Variants in BAG4 observed in about 807,000 individuals in gnomAD.
BAG4 encodes BAG family molecular chaperone regulator 4.
Under a neutral mutation model 52.1 loss-of-function variants are expected in BAG4, and 28 were observed. The ratio of observed to expected loss-of-function variants is 0.54; its 90% CI spans 0.40 to 0.74. The LOEUF is 0.74. Among genes scored for constraint, BAG4 ranks in the 30% least tolerant of loss-of-function variants. The probability of loss-of-function intolerance (pLI) is 0.00; values close to 1 mark genes in which losing one functional copy is unlikely to be tolerated. For missense variants in BAG4, 525 were observed against 572.0 expected, an observed-to-expected ratio of 0.92 and a Z score of 0.84; for synonymous variants, 208 against 217.0, an observed-to-expected ratio of 0.96 and a Z score of 0.37.
At chr8:38,178,378 C>T (rs1010701621) in intron 1 of BAG4, among the ~76,000 whole-genome samples, 2 of 152,220 alleles carry the variant, frequency 1.3e-5, no homozygotes, top group African/African-American at 4.8e-5. Context: ...TGGTCTTGAA[C>T]TCCTGACCTC....
Position 38,207,569 on chromosome 8 carries a change from G to A in BAG4, c.436G>A (p.Ala146Thr), listed in dbSNP as rs1385250108. The part of the protein sequence containing the change: ...YGPTYPPGPG[A>T]NTASYSGAYY... ...TCCAACATACCCCCCAGGCCCTGGG[G>A]CAAATACTGCCTCATACTCAGGGGC... The change falls in exon 3 of 5, where the codon GCA (alanine) becomes ACA (threonine). Residue 146 changes from alanine (A) to threonine (T), a missense_variant. By Grantham distance (58) the Ala-to-Thr change is moderately conservative. Coordinates refer to ENST00000287322, the MANE Select transcript of BAG4 (RefSeq NM_004874.4). 1.2e-6 allele frequency: 2 copies of A among 1,613,676 alleles called. No homozygotes were observed. Among genetic ancestry groups the A allele is most frequent in the Non-Finnish European group, 1.7e-6 (2 of 1,179,818 alleles).
In BAG4 at chr8:38,210,348, G is replaced by C; in HGVS notation, c.1229G>C (p.Trp410Ser). 6.2e-7 allele frequency: 1 copy of C among 1,614,162 alleles called. No homozygotes were observed. Among genetic ancestry groups the C allele is most frequent in the Non-Finnish European group, 8.5e-7 (1 of 1,180,042 alleles). ...GGAAAAAAGACAGACAAAGCATACT[G>C]GCTTCTGGAAGAAATGCTAACCAAG... ...FVGKKTDKAY[W>S]LLEEMLTKEL... Residue 410 changes from tryptophan (W) to serine (S), a missense_variant, in exon 5 of 5, where the codon TGG becomes TCG. Physicochemically the swap from Trp to Ser is radical, Grantham distance 177. Coordinates refer to ENST00000287322, the MANE Select transcript of BAG4 (RefSeq NM_004874.4).
At position 38,211,736 on chromosome 8, in the gene BAG4, T is replaced by C. The variant is rs1490031489; in HGVS notation, c.*1243T>C. On this transcript the variant is annotated 3_prime_UTR_variant, in exon 5 of 5. Coordinates refer to ENST00000287322, the MANE Select transcript of BAG4 (RefSeq NM_004874.4). ...AATTGTCTGTTTAATAAAAAGACAT[T>C]TATTACCATTATTAACAGTCATTTT... The C allele has an allele frequency of 3.9e-5, 6 of 152,246 alleles. No homozygotes were observed. The highest frequency in any genetic ancestry group is 3.4e-3 in the Middle Eastern group (1 of 294). 9.4% of individuals were successfully genotyped at this position (152,246 alleles called of 1,614,324 possible).
chr8:38,204,888 A>G (rs1803742406), intron 2 of BAG4, among the ~76,000 whole-genome samples: 1 of 152,178 alleles, frequency 6.6e-6, no homozygotes, highest in South Asian at 2.1e-4. Flanking sequence ...TTTCTTTAAA[A>G]TATAAGGAAG....
chr8:38,194,870 T>TTTTTTGTTTGTCC (rs1563282248), intron 2 of BAG4, among the ~76,000 whole-genome samples: 1 of 148,602 alleles, frequency 6.7e-6, no homozygotes, highest in Non-Finnish European at 1.5e-5. Context: ...TTTGTTTTTT[T>TTTTTTGTTTGTCC]TTTTGGCCGA....
intron 1 of BAG4, among the ~76,000 whole-genome samples, chr8:38,184,466 CAAATAAAATA>C (rs36228003): frequency 1.1e-3 from 165 of 146,702 alleles, no homozygotes; most frequent in East Asian, 3.4e-3. Context: ...GACCCTGTCT[CAAATAAAATA>C]AAATAAAATA....
rs1461890124 is a variant in BAG4, at chr8:38,210,882, T to C, written c.*389T>C. ...AACAGGATGTGTTTTTTTAAACATCTGGATATCTTGTCACATTTTTGTACA... is the reference window on the plus strand; with the variant it reads ...AACAGGATGTGTTTTTTTAAACATCCGGATATCTTGTCACATTTTTGTACA... On this transcript the variant is annotated 3_prime_UTR_variant, in exon 5 of 5. Coordinates refer to ENST00000287322, the MANE Select transcript of BAG4 (RefSeq NM_004874.4). 6.2e-6 allele frequency: 1 copy of C among 162,546 alleles called. No individual in the cohort carries two copies. Among genetic ancestry groups the C allele is most frequent in the African/African-American group, 2.4e-5 (1 of 41,594 alleles). The allele number at this position is 162,546 out of a possible 1,614,324, so 10.1% of individuals were successfully genotyped here. A position where few individuals can be genotyped will look rare whatever the true frequency, so the allele number is the denominator to read the frequency against.
chr8:38,210,405 G>A lies in BAG4; in HGVS notation c.1286G>A (p.Gly429Glu). The change falls in exon 5 of 5, where the codon GGG becomes GAG. Residue 429 changes from glycine (G) to glutamate (E), a missense_variant. Physicochemically the swap from Gly to Glu is moderately conservative, Grantham distance 98. This residue lies in a region of BAG4 where 238 missense variants were observed against 305.8 expected (regional missense o/e 0.78). Transcript: ENST00000287322. ...ELLELDSVET[G>E]GQDSVRQARK... ...TTGGAACTGGATTCAGTTGAAACTG[G>A]GGGCCAGGACTCTGTACGGCAGGCC... 8.1e-6 allele frequency: 13 copies of A among 1,614,146 alleles called. No individual in the cohort carries two copies. The highest frequency in any genetic ancestry group is 1.1e-5 in the Non-Finnish European group (13 of 1,180,024).
chr8:38,185,796 C>T (rs1803356399), intron 1 of BAG4, among the ~76,000 whole-genome samples: 1 of 152,182 alleles, frequency 6.6e-6, no homozygotes, highest in Non-Finnish European at 1.5e-5. Flanking sequence ...AACTCCTGAC[C>T]TCGTGATCCA....
intron 3 of BAG4, among the ~76,000 whole-genome samples, chr8:38,207,967 A>T (rs1368141550): frequency 6.8e-6 from 1 of 147,920 alleles, no homozygotes; most frequent in Admixed American, 6.8e-5. Context: ...AAATTTTTAT[A>T]CTGAAAGTAA....
Position 38,212,716 on chromosome 8 carries a change from G to T in BAG4, c.*2223G>T, listed in dbSNP as rs1803884574. ...TGTTAACCTTGATCACTATGCTAAGGTGGTGTCTGCTAGGATTCGCTACTG... is the reference window on the plus strand; with the variant it reads ...TGTTAACCTTGATCACTATGCTAAGTTGGTGTCTGCTAGGATTCGCTACTG... On this transcript the variant is annotated 3_prime_UTR_variant, in exon 5 of 5. Transcript: ENST00000287322. 6.6e-6 allele frequency: 1 copy of T among 152,162 alleles called. No homozygotes were observed. The highest frequency in any genetic ancestry group is 1.5e-5 in the Non-Finnish European group (1 of 68,030). The allele number at this position is 152,162 out of a possible 1,614,324, so 9.4% of individuals were successfully genotyped here. A position where few individuals can be genotyped will look rare whatever the true frequency, so the allele number is the denominator to read the frequency against.
At chr8:38,190,768 T>TTG in intron 1 of BAG4, among the ~76,000 whole-genome samples, 1 of 150,998 alleles carries the variant, frequency 6.6e-6, no homozygotes, top group African/African-American at 2.4e-5. Context: ...TCTTTTTTTT[T>TTG]TTTTTTGAGA....
At chr8:38,178,423 C>A (rs1171562485) in intron 1 of BAG4, among the ~76,000 whole-genome samples, 2 of 152,180 alleles carry the variant, frequency 1.3e-5, no homozygotes, top group African/African-American at 4.8e-5. Flanking sequence ...CTCGGCCTCC[C>A]GAAGTGTTGG....
At chr8:38,177,816 T>A (rs945547614) in intron 1 of BAG4, among the ~76,000 whole-genome samples, 69 of 152,272 alleles carry the variant, frequency 4.5e-4, no homozygotes, top group African/African-American at 1.6e-3. Flanking sequence ...TTCTCCGTTT[T>A]CCTGCCGGAC....
At chr8:38,201,855 TATATATATATATATATATATATATA>T (rs1246869165) in intron 2 of BAG4, 591 of 8,286 alleles carry the variant, frequency 0.071, 14 homozygotes, top group Non-Finnish European at 0.14. Context: ...TATATATATA[TATATATATATATATATATATATATA>T]TTTTTTTTTT....
chr8:38,180,330 C>T (rs1803240218), intron 1 of BAG4, among the ~76,000 whole-genome samples: 1 of 151,706 alleles, frequency 6.6e-6, no homozygotes, highest in African/African-American at 2.4e-5. Context: ...CGAGACCAGC[C>T]TGGTCAACAT....
intron 2 of BAG4, chr8:38,201,849 TATATATATATATATATATATATATA>T (rs1803668800): frequency 1.7e-3 from 11 of 6,368 alleles, no homozygotes; most frequent in Non-Finnish European, 4.2e-3. Context: ...TATATATATA[TATATATATATATATATATATATATA>T]TATATATTTT....
chr8:38,177,077 G>A lies in BAG4; in HGVS notation c.208G>A (p.Asp70Asn), dbSNP rs771247507. The change falls in exon 1 of 5, where the codon GAT (aspartate) becomes AAT (asparagine). Residue 70 changes from aspartate (D) to asparagine (N), a missense_variant. Around this residue, in one of 2 missense-constraint regions of BAG4, gnomAD observed 287 missense variants for 266.1 expected, o/e 1.08. Transcript: ENST00000287322. ...CTGGCTGGGAGAAGGCGGAGGAGGC[G>A]ATGGCTACTATCCCTCGGGAGGCGC... ...TTWLGEGGGG[D>N]GYYPSGGAWP... 5.0e-6 allele frequency: 8 copies of A among 1,612,208 alleles called. No homozygotes were observed. In the East Asian group the frequency reaches 6.7e-5, roughly 13 times the overall value.
intron 3 of BAG4, among the ~76,000 whole-genome samples, chr8:38,208,645 A>G (rs1386479758): frequency 1.3e-5 from 2 of 151,980 alleles, no homozygotes; most frequent in African/African-American, 2.4e-5. Flanking sequence ...GTGAATAACT[A>G]TGTTTATTTC....
Sources: gnomAD v4.1 joint callset for allele counts (sites outside exome capture counted in the v4.1 genomes callset) on GRCh38, gnomAD v4.1.1 for gene constraint, gnomAD v4.1.1 regional missense constraint, MANE v1.5 for transcripts, NCBI Gene and HGNC (gene_info 2026-07-23, HGNC 2026-07-21) for gene names.